FLT1: variants seen among roughly 807,000 people sequenced by gnomAD.
The protein encoded by FLT1 is vascular endothelial growth factor receptor 1.
Under a neutral mutation model 156.3 loss-of-function variants are expected in FLT1, and 49 were observed. That is an observed-to-expected ratio of 0.31 (90% confidence interval 0.25 to 0.40). The LOEUF (loss-of-function observed/expected upper bound fraction) is 0.40. Among genes scored for constraint, FLT1 ranks in the 10% least tolerant of loss-of-function variants. The pLI, the probability that FLT1 is intolerant of heterozygous loss-of-function variation, is 1.00. For synonymous variants in FLT1, 594 were observed against 583.8 expected (o/e 1.02, Z -0.25); for missense variants, 1,322 against 1,637.2 (o/e 0.81, Z 3.32).
chr13:28,485,516 C>T (rs2243473), intron 1 of FLT1, among the ~76,000 whole-genome samples: 98,664 of 151,972 alleles, frequency 0.65, 32,222 homozygotes, highest in Admixed American at 0.74. Context: ...CATTATGTAG[C>T]ATTTATTGTT....
At chr13:28,455,267 A>G (rs976315325) in intron 3 of FLT1, among the ~76,000 whole-genome samples, 2 of 152,226 alleles carry the variant, frequency 1.3e-5, no homozygotes, top group Non-Finnish European at 2.9e-5. Flanking sequence ...AGCTATAGTA[A>G]TCAAGACAGT....
chr13:28,367,574 C>T (rs775607820), intron 14 of FLT1, among the ~76,000 whole-genome samples: 48 of 152,322 alleles, frequency 3.2e-4, no homozygotes, highest in South Asian at 6.2e-4. Context: ...TATGTGTGAG[C>T]ACCATATTGC....
chr13:28,306,878 C>A, intron 28 of FLT1, 106 bp from the exon 29 acceptor site: 1 of 761,346 alleles, frequency 1.3e-6, no homozygotes. Context: ...GGCTCTGCCT[C>A]ACCCTCCACA....
chr13:28,356,215 G>A (rs1480520706), intron 15 of FLT1, among the ~76,000 whole-genome samples: 2 of 152,144 alleles, frequency 1.3e-5, no homozygotes, highest in African/African-American at 4.8e-5. Flanking sequence ...GTTTCTCATG[G>A]GGTTGTTGGG....
chr13:28,373,773 G>C (rs1390738118), intron 14 of FLT1, among the ~76,000 whole-genome samples: 1 of 152,156 alleles, frequency 6.6e-6, no homozygotes, highest in Non-Finnish European at 1.5e-5. Flanking sequence ...TTTGGGGTTA[G>C]TGTCTTTGGA....
At chr13:28,425,736 T>A (rs1263857417) in intron 10 of FLT1, among the ~76,000 whole-genome samples, 4 of 152,332 alleles carry the variant, frequency 2.6e-5, no homozygotes, top group Admixed American at 1.3e-4. Flanking sequence ...TTAGTTTTTT[T>A]TTTATTTATT....
At chr13:28,422,458 T>A (rs540709277) in intron 10 of FLT1, among the ~76,000 whole-genome samples, 1 of 152,334 alleles carries the variant, frequency 6.6e-6, no homozygotes, top group East Asian at 1.9e-4. Flanking sequence ...CTAAAGAATG[T>A]GTGCTCTCAA....
At chr13:28,420,123 T>G (rs1486453100) in intron 10 of FLT1, among the ~76,000 whole-genome samples, 1 of 152,206 alleles carries the variant, frequency 6.6e-6, no homozygotes, top group Non-Finnish European at 1.5e-5. Flanking sequence ...CAGGACTTTG[T>G]ATGAAATATT....
chr13:28,304,533 T>C (rs1202577152), intron 29 of FLT1, among the ~76,000 whole-genome samples: 1 of 152,128 alleles, frequency 6.6e-6, no homozygotes, highest in African/African-American at 2.4e-5. Flanking sequence ...ATGAGAGCTT[T>C]ATGGAGATAT....
chr13:28,474,662 G>A (rs977721010), intron 1 of FLT1, among the ~76,000 whole-genome samples: 7 of 152,112 alleles, frequency 4.6e-5, no homozygotes, highest in African/African-American at 7.2e-5. Flanking sequence ...CAGGGCTTGC[G>A]GGGAGGGGAT....
intron 1 of FLT1, among the ~76,000 whole-genome samples, chr13:28,482,556 T>C (rs543382644): frequency 6.6e-6 from 1 of 152,180 alleles, no homozygotes; most frequent in South Asian, 2.1e-4. Flanking sequence ...GGAAGAGGAA[T>C]ATTTCTTAAA....
chr13:28,432,258 T>C (rs1877736485), intron 6 of FLT1, among the ~76,000 whole-genome samples: 1 of 151,784 alleles, frequency 6.6e-6, no homozygotes, highest in South Asian at 2.1e-4. Flanking sequence ...TGAGCTTAGT[T>C]CTCCTCTGTG....
intron 14 of FLT1, among the ~76,000 whole-genome samples, chr13:28,384,221 G>T (rs931336533): frequency 2.0e-5 from 3 of 152,088 alleles, no homozygotes; most frequent in Admixed American, 6.5e-5. Context: ...ATTACCTGAG[G>T]TCAGGAGTTT....
At chr13:28,460,969 T>G (rs1156659778) in intron 3 of FLT1, among the ~76,000 whole-genome samples, 1 of 152,094 alleles carries the variant, frequency 6.6e-6, no homozygotes, top group African/African-American at 2.4e-5. Context: ...TCTGGGTTGG[T>G]TTTTCTTTTT....
chr13:28,338,934 G>C (rs1872223090), intron 17 of FLT1, among the ~76,000 whole-genome samples: 2 of 152,190 alleles, frequency 1.3e-5, no homozygotes, highest in African/African-American at 4.8e-5. Context: ...GCTGCTCAGA[G>C]AAGGTGCCTA....
chr13:28,383,667 A>T (rs1032360675), intron 14 of FLT1, among the ~76,000 whole-genome samples: 15 of 135,844 alleles, frequency 1.1e-4, no homozygotes, highest in African/African-American at 3.0e-4. Flanking sequence ...GTCTCAATTT[A>T]AAAAAAAAAA....
At chr13:28,483,628 G>A (rs1311054459) in intron 1 of FLT1, among the ~76,000 whole-genome samples, 1 of 152,146 alleles carries the variant, frequency 6.6e-6, no homozygotes, top group Non-Finnish European at 1.5e-5. Flanking sequence ...TCTCCTTCTT[G>A]ACTTCTTGCA....
intron 2 of FLT1, 36 bp from the exon 3 acceptor site, chr13:28,467,165 G>T: frequency 6.6e-7 from 1 of 1,512,608 alleles, no homozygotes; most frequent in Non-Finnish European, 9.2e-7. Flanking sequence ...ACATATTTAT[G>T]GCTGGGCCCT....
At chr13:28,303,408 G>T (rs747756849) in intron 29 of FLT1, 40 bp from the exon 30 acceptor site, 31 of 1,578,658 alleles carry the variant, frequency 2.0e-5, no homozygotes, top group South Asian at 4.5e-5. Context: ...TTCAAAATTG[G>T]TTTTTTAGAA....
Sources: allele counts gnomAD v4.1 joint callset (sites outside exome capture counted in the v4.1 genomes callset), GRCh38; gene constraint gnomAD v4.1.1; transcripts MANE v1.5; gene names NCBI Gene and HGNC (gene_info 2026-07-23, HGNC 2026-07-21).